The following MTUS2 variants were observed in gnomAD, a reference collection of about 807,000 sequenced individuals.
MTUS2 encodes the protein microtubule-associated tumor suppressor candidate 2.
In MTUS2, 40 loss-of-function variants were observed where a neutral mutation model predicts 114.1. That is an observed-to-expected ratio of 0.35 (90% CI 0.27 to 0.46). The LOEUF is 0.46. Ranked by LOEUF, MTUS2 falls within the 20% of genes least tolerant of loss-of-function variation. MTUS2 has a pLI of 1.00. For missense variants in MTUS2, 1,679 were observed against 1,705.4 expected (o/e 0.98, Z 0.27); for synonymous variants, 688 against 672.0 (o/e 1.02, Z -0.37).
intron 5 of MTUS2, among the ~76,000 whole-genome samples, chr13:29,173,290 A>T (rs989561151): frequency 6.6e-6 from 1 of 152,140 alleles, no homozygotes; most frequent in African/African-American, 2.4e-5. Context: ...GTCCCAGGTT[A>T]TGTAAGTCAT....
At chr13:28,835,989 G>C (rs1875054632) in intron 1 of MTUS2, among the ~76,000 whole-genome samples, 1 of 151,996 alleles carries the variant, frequency 6.6e-6, no homozygotes, top group Middle Eastern at 3.2e-3. Context: ...GCTAAATTAT[G>C]CTTAGCATCG....
In MTUS2 at chr13:28,930,836, G is replaced by A. The variant is rs140716150; in HGVS notation, c.-243+90986G>A. On this transcript the variant is annotated intron_variant, in intron 2 of 15. Coordinates refer to ENST00000612955, the MANE Select transcript of MTUS2 (RefSeq NM_001033602.4). ...GGACATTCCTATTAGTAACCCTAGA[G>A]CTGTTACGTATAGGATTTGTGGGGT... 4.0e-3 allele frequency among the ~76,000 whole-genome samples: 615 copies of A among 152,296 alleles called. 5 individuals are homozygous for A. Among genetic ancestry groups the A allele is most frequent in the African/African-American group, 0.014 (587 of 41,560 alleles).
At position 29,501,085 on chromosome 13, in the gene MTUS2, T is replaced by A. The variant is rs1439287727; in HGVS notation, c.3799-12T>A. 7 of 1,612,586 alleles carry A rather than the reference T, an allele frequency of 4.3e-6. No homozygotes were observed. The highest frequency in any genetic ancestry group is 5.9e-6 in the Non-Finnish European group (7 of 1,178,910). On this transcript the variant is annotated splice_polypyrimidine_tract_variant and intron_variant, in intron 14 of 15. Transcript: ENST00000612955. ...CCTTGCTAGAACCTCTTAAACACTGTTTCCTTTGTAGGCAGAAAAGAACAT... is the reference window on the plus strand; with the variant it reads ...CCTTGCTAGAACCTCTTAAACACTGATTCCTTTGTAGGCAGAAAAGAACAT...
intron 2 of MTUS2, among the ~76,000 whole-genome samples, chr13:28,991,367 AT>A (rs34590167): frequency 0.44 from 54,540 of 125,256 alleles, 9,605 homozygotes; most frequent in East Asian, 0.58. Context: ...TGTCTCTTCA[AT>A]TTTTTTTTTT....
chr13:28,889,384 A>G (rs1345375336), intron 2 of MTUS2, among the ~76,000 whole-genome samples: 1 of 152,228 alleles, frequency 6.6e-6, no homozygotes, highest in African/African-American at 2.4e-5. Flanking sequence ...TCACGCTTGC[A>G]GGTACATGTT....
At chr13:29,498,272 C>A in intron 13 of MTUS2, 146 bp from the exon 14 acceptor site, 1 of 1,157,292 alleles carries the variant, frequency 8.6e-7, no homozygotes, top group Non-Finnish European at 1.2e-6. Flanking sequence ...TCAGGGAAGG[C>A]TGTGAGCATC....
rs147997690 is a variant in MTUS2 at position 28,962,542 on chromosome 13, G to A, written c.-242-61915G>A. On this transcript the variant is annotated intron_variant, in intron 2 of 15. Transcript: ENST00000612955. Reference sequence around the variant, plus strand: ...TTTGTAGATGGCAGGTCACTCTGAGGAATTAGTGGAAATGAAGTTTCTTTA... The same window carrying A: ...TTTGTAGATGGCAGGTCACTCTGAGAAATTAGTGGAAATGAAGTTTCTTTA... Among the ~76,000 whole-genome samples the A allele has an allele frequency of 1.8e-3, 280 of 152,208 alleles. 1 individual carries two copies. The highest frequency in any genetic ancestry group is 6.2e-3 in the African/African-American group (258 of 41,544).
At chr13:29,366,359 C>T (rs1870711077) in intron 8 of MTUS2, among the ~76,000 whole-genome samples, 1 of 152,080 alleles carries the variant, frequency 6.6e-6, no homozygotes, top group Admixed American at 6.5e-5. Context: ...ATGGGAAAGA[C>T]CCACCCCCAT....
chr13:28,861,386 G>A lies in MTUS2; in HGVS notation c.-243+21536G>A, dbSNP rs563709604. 4.0e-5 allele frequency among the ~76,000 whole-genome samples: 6 copies of A among 150,198 alleles called. No homozygotes were observed. In the East Asian group the frequency reaches 1.2e-3, roughly 30 times the overall value. On this transcript the variant is annotated intron_variant, in intron 2 of 15. Transcript: ENST00000612955. ...ACAGGCCTGGCATGGGTACAGTTCT[G>A]TCATTTAATGACTTTGTGTAGGCAT... is the stretch of plus-strand genomic sequence containing the variant.
At chr13:29,022,290 G>A (rs1325893754) in intron 2 of MTUS2, among the ~76,000 whole-genome samples, 5 of 152,196 alleles carry the variant, frequency 3.3e-5, no homozygotes, top group Admixed American at 3.3e-4. Context: ...CTTCAGTGAG[G>A]AGGAGCATGA....
At chr13:29,396,474 G>A (rs1430051252) in intron 8 of MTUS2, among the ~76,000 whole-genome samples, 2 of 152,156 alleles carry the variant, frequency 1.3e-5, no homozygotes, top group African/African-American at 4.8e-5. Context: ...GTCCAAAAAT[G>A]TAATATTAGA....
At chr13:29,149,790 T>C (rs1259981046) in intron 5 of MTUS2, among the ~76,000 whole-genome samples, 1 of 152,202 alleles carries the variant, frequency 6.6e-6, no homozygotes, top group Non-Finnish European at 1.5e-5. Flanking sequence ...CCATTGCTTG[T>C]TTTTGTTAGC....
At chr13:29,141,615 T>C (rs1044160800) in intron 5 of MTUS2, among the ~76,000 whole-genome samples, 2 of 152,194 alleles carry the variant, frequency 1.3e-5, no homozygotes, top group African/African-American at 4.8e-5. Context: ...AAATACATAC[T>C]TAATAAGGAT....
chr13:28,949,022 A>G (rs1008101051), intron 2 of MTUS2, among the ~76,000 whole-genome samples: 5 of 152,190 alleles, frequency 3.3e-5, no homozygotes, highest in African/African-American at 4.8e-5. Context: ...AGTGTATTTT[A>G]TATGTAGTAT....
chr13:29,066,800 G>A (rs758485009), intron 4 of MTUS2, among the ~76,000 whole-genome samples: 2 of 152,270 alleles, frequency 1.3e-5, no homozygotes, highest in Non-Finnish European at 2.9e-5. Flanking sequence ...ATTAGGAAGA[G>A]ATGAATACTT....
intron 6 of MTUS2, among the ~76,000 whole-genome samples, chr13:29,311,097 G>A (rs1899738377): frequency 6.6e-6 from 1 of 152,220 alleles, no homozygotes; most frequent in African/African-American, 2.4e-5. Context: ...CAAGTACAAT[G>A]TGTAGTAGAA....
chr13:29,086,227 A>G (rs190586180), intron 4 of MTUS2, among the ~76,000 whole-genome samples: 1 of 152,226 alleles, frequency 6.6e-6, no homozygotes, highest in East Asian at 1.9e-4. Flanking sequence ...CCCATTCTGT[A>G]GGTTTTCTGT....
chr13:29,503,285 C>G lies in MTUS2; in HGVS notation c.*79C>G. The stretch of plus-strand genomic sequence containing the variant: ...TGAGGGAGCACCGACCCGGTGCCGC[C>G]GGAGCTGGCCCTGTGCGCATGCTCA... On this transcript the variant is annotated 3_prime_UTR_variant, in exon 16 of 16. Transcript: ENST00000612955. The G allele has an allele frequency of 6.6e-7, 1 of 1,517,282 alleles. No individual in the cohort carries two copies. The highest frequency in any genetic ancestry group is 9.0e-7 in the Non-Finnish European group (1 of 1,109,600). 94.0% of individuals were successfully genotyped at this position (1,517,282 alleles called of 1,614,324 possible).
chr13:29,082,248 T>C (rs929412939), intron 4 of MTUS2, among the ~76,000 whole-genome samples: 16 of 152,200 alleles, frequency 1.1e-4, no homozygotes, highest in South Asian at 4.1e-4. Flanking sequence ...ATTGGACTTC[T>C]AGCCTGCAGC....
Sources: gnomAD v4.1 joint callset for allele counts (sites outside exome capture counted in the v4.1 genomes callset) on GRCh38, gnomAD v4.1.1 for gene constraint, MANE v1.5 for transcripts, NCBI Gene and HGNC (gene_info 2026-07-23, HGNC 2026-07-21) for gene names.